SLC22A14: variants seen among roughly 807,000 people sequenced by gnomAD.
SLC22A14 encodes the protein solute carrier family 22 member 14, also known as organic cation transporter-like 4.
In SLC22A14, 50 loss-of-function variants were observed where a neutral mutation model predicts 53.9. The ratio of observed to expected loss-of-function variants is 0.93; its 90% CI spans 0.74 to 1.17. The LOEUF is 1.17. Ranked by LOEUF, SLC22A14 falls within the 50% of genes most tolerant of loss-of-function variation. The pLI, the probability that SLC22A14 is intolerant of heterozygous loss-of-function variation, is 0.00. For missense variants in SLC22A14, 671 were observed against 734.7 expected (o/e 0.91, Z 1.00); for synonymous variants, 312 against 303.0 (o/e 1.03, Z -0.31).
Position 38,309,008 on chromosome 3 carries a change from G to C in SLC22A14, c.830G>C (p.Cys277Ser). Reference sequence around the variant, plus strand: ...GCCCATGCCATTATCCTGGGACACTGCTTTTTCGCTGTTGGGGCCGTGTTG... The same window carrying C: ...GCCCATGCCATTATCCTGGGACACTCCTTTTTCGCTGTTGGGGCCGTGTTG... The part of the protein sequence containing the change: ...HRAHAIILGH[C>S]FFAVGAVLLT... The change falls in exon 5 of 11, where the codon TGC (cysteine) becomes TCC (serine). Residue 277 changes from cysteine (C) to serine (S), a missense_variant. Coordinates refer to ENST00000448498, the MANE Select transcript of SLC22A14 (RefSeq NM_001320033.2). The C allele has an allele frequency of 2.5e-6, 4 of 1,614,150 alleles. No homozygotes were observed. In the East Asian group the frequency reaches 6.7e-5, roughly 27 times the overall value.
At chr3:38,278,854 A>G (rs1309094816), upstream of SLC22A14, among the ~76,000 whole-genome samples, 1 of 147,828 alleles carries the variant, frequency 6.8e-6, no homozygotes, top group Non-Finnish European at 1.5e-5. Flanking sequence ...TGGCCTTCTT[A>G]GATGGGCGCC....
At chr3:38,283,838 A>C (rs372423816) in intron 1 of SLC22A14, among the ~76,000 whole-genome samples, 25 of 152,100 alleles carry the variant, frequency 1.6e-4, no homozygotes, top group African/African-American at 5.8e-4. Flanking sequence ...TCACAAACAA[A>C]CAACAACAAC....
At chr3:38,310,867 T>C (rs1704449950) in intron 5 of SLC22A14, among the ~76,000 whole-genome samples, 1 of 152,128 alleles carries the variant, frequency 6.6e-6, no homozygotes, top group Non-Finnish European at 1.5e-5. Flanking sequence ...GCTGCTCCAA[T>C]CAACCTCCTG....
At position 38,313,523 on chromosome 3, in the gene SLC22A14, G is replaced by C. The variant is rs746623147; in HGVS notation, c.1163+38G>C. Reference sequence around the variant, plus strand: ...GGCTCGCTGGCAGGGACTGCGAACAGGTGCGCAGGCTGGAAACTCTAGGGA... The same window carrying C: ...GGCTCGCTGGCAGGGACTGCGAACACGTGCGCAGGCTGGAAACTCTAGGGA... On this transcript the variant is annotated intron_variant, in intron 7 of 10. Transcript: ENST00000448498. 2.8e-6 allele frequency: 4 copies of C among 1,430,570 alleles called. No individual in the cohort carries two copies. In the African/African-American group the frequency reaches 4.2e-5, roughly 15 times the overall value. The allele number at this position is 1,430,570 out of a possible 1,614,324, so 88.6% of individuals were successfully genotyped here.
At chr3:38,286,951 G>C (rs1235202718) in intron 1 of SLC22A14, among the ~76,000 whole-genome samples, 1 of 151,890 alleles carries the variant, frequency 6.6e-6, no homozygotes, top group Non-Finnish European at 1.5e-5. Flanking sequence ...TGGCCAGGCT[G>C]GTCTTGAACT....
intron 1 of SLC22A14, chr3:38,305,485 C>T (rs1252155254): frequency 6.3e-6 from 1 of 159,322 alleles, no homozygotes; most frequent in Non-Finnish European, 1.4e-5. Flanking sequence ...CAGTACTGCT[C>T]ACCTTCCTCC....
intron 1 of SLC22A14, among the ~76,000 whole-genome samples, chr3:38,302,755 G>A (rs78479790): frequency 0.064 from 9,767 of 152,082 alleles, 373 homozygotes; most frequent in East Asian, 0.16. Flanking sequence ...ATCCATTTTT[G>A]TGAATGAAAT....
chr3:38,288,825 A>G (rs1365810392), intron 1 of SLC22A14, among the ~76,000 whole-genome samples: 1 of 152,044 alleles, frequency 6.6e-6, no homozygotes, highest in African/African-American at 2.4e-5. Flanking sequence ...TAAAAATGGT[A>G]TCTTTTAAAG....
At chr3:38,298,554 TTGTG>T (rs112527761) in intron 1 of SLC22A14, among the ~76,000 whole-genome samples, 3 of 148,892 alleles carry the variant, frequency 2.0e-5, no homozygotes, top group Non-Finnish European at 3.0e-5. Context: ...CTTCCCTGTC[TTGTG>T]TGTGTGTGTG....
At chr3:38,290,329 G>A (rs1049815548) in intron 1 of SLC22A14, among the ~76,000 whole-genome samples, 3 of 152,220 alleles carry the variant, frequency 2.0e-5, no homozygotes, top group South Asian at 2.1e-4. Flanking sequence ...ACATTGGAGC[G>A]TGGGCTAGCA....
chr3:38,285,756 T>A (rs1182233222), intron 1 of SLC22A14, among the ~76,000 whole-genome samples: 1 of 152,226 alleles, frequency 6.6e-6, no homozygotes, highest in East Asian at 1.9e-4. Context: ...GGTACTTATT[T>A]CCTGGATCAT....
At chr3:38,292,243 C>T (rs575034628) in intron 1 of SLC22A14, among the ~76,000 whole-genome samples, 1 of 152,268 alleles carries the variant, frequency 6.6e-6, no homozygotes, top group African/African-American at 2.4e-5. Flanking sequence ...GGGCTATATC[C>T]CTGAACTCTT....
intron 1 of SLC22A14, among the ~76,000 whole-genome samples, chr3:38,284,689 A>G (rs764885989): frequency 1.3e-5 from 2 of 152,146 alleles, no homozygotes; most frequent in Non-Finnish European, 2.9e-5. Flanking sequence ...ATGTGAGAAT[A>G]CATGGAAGAA....
At chr3:38,296,507 TACTC>T (rs1179172688) in intron 1 of SLC22A14, among the ~76,000 whole-genome samples, 3 of 152,220 alleles carry the variant, frequency 2.0e-5, no homozygotes, top group Non-Finnish European at 4.4e-5. Context: ...AGTCCAATAT[TACTC>T]ACTGCTTTGG....
intron 1 of SLC22A14, among the ~76,000 whole-genome samples, chr3:38,300,555 C>G (rs1704137658): frequency 6.6e-6 from 1 of 152,208 alleles, no homozygotes; most frequent in African/African-American, 2.4e-5. Flanking sequence ...TGGGTACCAT[C>G]TTTCCATCTT....
chr3:38,288,082 T>C (rs1406398912), intron 1 of SLC22A14, among the ~76,000 whole-genome samples: 1 of 152,200 alleles, frequency 6.6e-6, no homozygotes, highest in African/African-American at 2.4e-5. Context: ...CTGTACCTAC[T>C]ACATAATAAC....
intron 1 of SLC22A14, among the ~76,000 whole-genome samples, chr3:38,290,604 T>C (rs189653001): frequency 1.5e-4 from 23 of 152,358 alleles, no homozygotes; most frequent in Non-Finnish European, 5.9e-5. Flanking sequence ...GTGCTATCAA[T>C]GCCTAAGTGA....
At chr3:38,281,849 A>G (rs1041720399), upstream of SLC22A14, among the ~76,000 whole-genome samples, 1 of 152,182 alleles carries the variant, frequency 6.6e-6, no homozygotes, top group African/African-American at 2.4e-5. Context: ...CCTTCCCCCA[A>G]GCATGAAGCT....
rs761675377 is a variant in SLC22A14 at position 38,312,985 on chromosome 3, G to C, written c.945-14G>C. On this transcript the variant is annotated splice_polypyrimidine_tract_variant and intron_variant, in intron 5 of 10. Transcript: ENST00000448498. ...TCATAGAACGGTGAGATAAGAGAGG[G>C]GCTGGCCACGCAGGATTCTCCCGGA... The C allele has an allele frequency of 3.2e-6, 5 of 1,572,966 alleles. No individual in the cohort carries two copies. In the African/African-American group the frequency reaches 6.7e-5, roughly 21 times the overall value.
Sources: gnomAD v4.1 joint callset for allele counts (sites outside exome capture counted in the v4.1 genomes callset) on GRCh38, gnomAD v4.1.1 for gene constraint, MANE v1.5 for transcripts, NCBI Gene and HGNC (gene_info 2026-07-23, HGNC 2026-07-21) for gene names.